Variants in SUPT4H1 observed in about 807,000 individuals in gnomAD.
The protein encoded by SUPT4H1 is transcription elongation factor SPT4.
SUPT4H1 carries 12 observed loss-of-function variants against 19.4 expected under a neutral mutation model. The ratio of observed to expected loss-of-function variants is 0.62; its 90% CI spans 0.40 to 1.00. SUPT4H1 has a LOEUF of 1.00. SUPT4H1 is among the 50% of genes least tolerant of loss of function. SUPT4H1 has a pLI of 0.00. For synonymous variants in SUPT4H1, 58 were observed against 56.3 expected (o/e 1.03, Z -0.14); for missense variants, 115 against 149.2 (o/e 0.77, Z 1.19).
At chr17:58,347,417 C>T (rs1352479285) in intron 3 of SUPT4H1, 112 bp downstream of exon 3, 14 of 1,432,118 alleles carry the variant, frequency 9.8e-6, no homozygotes, top group African/African-American at 1.4e-5. Flanking sequence ...TCCTACAACC[C>T]GATCTTTCCC....
intron 2 of SUPT4H1, among the ~76,000 whole-genome samples, chr17:58,351,065 T>G (rs1298118423): frequency 1.3e-5 from 2 of 152,018 alleles, no homozygotes; most frequent in African/African-American, 2.4e-5. Context: ...TACACGTGGA[T>G]AGTGGTCACT....
intron 1 of SUPT4H1, 26 bp downstream of exon 1, chr17:58,352,041 C>T: frequency 6.2e-7 from 1 of 1,613,892 alleles, no homozygotes; most frequent in Non-Finnish European, 8.5e-7. Flanking sequence ...CCCCATGGGC[C>T]CTACAACCAG....
intron 1 of SUPT4H1, 81 bp from the exon 2 acceptor site, chr17:58,351,589 C>CA (rs770333621): frequency 1.1e-5 from 10 of 926,176 alleles, no homozygotes; most frequent in Non-Finnish European, 1.6e-5. Flanking sequence ...CTCAATACTT[C>CA]GACCTGCTCA....
chr17:58,351,310 G>A, intron 2 of SUPT4H1, 92 bp downstream of exon 2: 1 of 791,884 alleles, frequency 1.3e-6, no homozygotes, highest in Admixed American at 2.6e-5. Context: ...GAATGGCTGG[G>A]CCCAACTAGG....
At position 58,346,174 on chromosome 17, in the gene SUPT4H1, A is replaced by G. The variant is rs1361369180; in HGVS notation, c.*72T>C. On this transcript the variant is annotated 3_prime_UTR_variant, in exon 5 of 5. Coordinates refer to ENST00000225504, the MANE Select transcript of SUPT4H1 (RefSeq NM_003168.3). ...GTAGGAAGTATTTGAAGTTCTGTTCATTTAGTTCCAGAACAAGAAATAAGC... is the reference window on the plus strand; with the variant it reads ...GTAGGAAGTATTTGAAGTTCTGTTCGTTTAGTTCCAGAACAAGAAATAAGC... The G allele has an allele frequency of 5.5e-6, 7 of 1,269,128 alleles. No homozygotes were observed. The East Asian group carries it at 1.6e-4, about 29-fold the overall frequency. 78.6% of individuals were successfully genotyped at this position (1,269,128 alleles called of 1,614,324 possible).
chr17:58,349,422 A>T (rs1972406047), intron 2 of SUPT4H1, among the ~76,000 whole-genome samples: 1 of 152,244 alleles, frequency 6.6e-6, no homozygotes, highest in Non-Finnish European at 1.5e-5. Flanking sequence ...AGCACATTTG[A>T]AGTAGGCTAA....
chr17:58,347,776 C>T (rs1567864805), intron 2 of SUPT4H1, among the ~76,000 whole-genome samples, 192 bp from the exon 3 acceptor site: 2 of 152,270 alleles, frequency 1.3e-5, no homozygotes, highest in African/African-American at 2.4e-5. Flanking sequence ...TGTCCTTGGC[C>T]GGCCAGCCAC....
intron 4 of SUPT4H1, among the ~76,000 whole-genome samples, chr17:58,346,891 A>G (rs1972311296): frequency 6.6e-6 from 1 of 152,106 alleles, no homozygotes; most frequent in Non-Finnish European, 1.5e-5. Context: ...AGGTGGGAGG[A>G]GCACATGAGC....
In SUPT4H1 at chr17:58,345,753, C is replaced by T. The variant is rs8263; in HGVS notation, c.*493G>A. Reference sequence around the variant, plus strand: ...ACTGAGCCTCTGGATCAGCACCCTCCGATAGGAAGCAAGGAAGCACACTAC... The same window carrying T: ...ACTGAGCCTCTGGATCAGCACCCTCTGATAGGAAGCAAGGAAGCACACTAC... On this transcript the variant is annotated 3_prime_UTR_variant, in exon 5 of 5. Transcript: ENST00000225504. 0.44 allele frequency: 67,839 copies of T among 152,964 alleles called. 15,439 individuals are homozygous for T. Among genetic ancestry groups the T allele is most frequent in the Middle Eastern group, 0.5 (147 of 296 alleles). 9.5% of individuals were successfully genotyped at this position (152,964 alleles called of 1,614,324 possible).
Position 58,347,360 on chromosome 17 carries a change from G to C in SUPT4H1, c.233-119C>G, listed in dbSNP as rs777309563. The C allele has an allele frequency of 1.0e-4, 137 of 1,360,756 alleles. No homozygotes were observed. The East Asian group carries it at 2.4e-3, about 24-fold the overall frequency. The allele number at this position is 1,360,756 out of a possible 1,614,324, so 84.3% of individuals were successfully genotyped here. On this transcript the variant is annotated intron_variant, in intron 3 of 4. Coordinates refer to ENST00000225504, the MANE Select transcript of SUPT4H1 (RefSeq NM_003168.3). ...AAGAGAAGAGCTATTCCCTCTTTTG[G>C]CTACAAGTGTTAAATGACAAGGCAC...
In SUPT4H1 at chr17:58,351,393, G is replaced by C; in HGVS notation, c.176+9C>G. On this transcript the variant is annotated intron_variant, in intron 2 of 4. Coordinates refer to ENST00000225504, the MANE Select transcript of SUPT4H1 (RefSeq NM_003168.3). ...GCAGAAGTGAATGATGGAAACTGAA[G>C]CGGCTTACCCATCAAAGGAAGAGCT... 6 of 1,593,892 alleles carry C rather than the reference G, an allele frequency of 3.8e-6. No individual in the cohort carries two copies. Among genetic ancestry groups the C allele is most frequent in the Non-Finnish European group, 5.2e-6 (6 of 1,163,074 alleles).
intron 4 of SUPT4H1, 21 bp from the exon 5 acceptor site, chr17:58,346,334 G>T (rs1338536433): frequency 6.2e-7 from 1 of 1,611,086 alleles, no homozygotes; most frequent in South Asian, 1.1e-5. Context: ...AAAAGAAACA[G>T]TTCTGTGAGG....
intron 2 of SUPT4H1, among the ~76,000 whole-genome samples, chr17:58,349,409 C>G (rs977586349): frequency 2.0e-5 from 3 of 152,228 alleles, no homozygotes; most frequent in Non-Finnish European, 4.4e-5. Flanking sequence ...CATAAGCGTT[C>G]TGAGCACATT....
chr17:58,352,185 A>T lies in SUPT4H1; in HGVS notation c.-50T>A. ...GGAGATAGACGACCACAGCCTGTGC[A>T]CCCGCAGGAAGTAAATAGCTCGTTA... On this transcript the variant is annotated 5_prime_UTR_variant, in exon 1 of 5. Transcript: ENST00000225504. The T allele has an allele frequency of 6.3e-7, 1 of 1,577,080 alleles. No homozygotes were observed.
intron 1 of SUPT4H1, 156 bp downstream of exon 1, chr17:58,351,911 C>T (rs898615359): frequency 1.4e-6 from 1 of 735,786 alleles, no homozygotes. Context: ...CGCGATCCTA[C>T]GAGGTAAACG....
At chr17:58,350,664 C>T (rs918219782) in intron 2 of SUPT4H1, among the ~76,000 whole-genome samples, 12 of 151,248 alleles carry the variant, frequency 7.9e-5, no homozygotes, top group African/African-American at 2.4e-4. Flanking sequence ...GGTGAAACCC[C>T]GTCTCTACTA....
At chr17:58,347,714 G>T in intron 2 of SUPT4H1, 130 bp from the exon 3 acceptor site, 1 of 844,506 alleles carries the variant, frequency 1.2e-6, no homozygotes, top group Non-Finnish European at 2.0e-6. Context: ...GCCTTCTGAT[G>T]TTGGGATGAG....
intron 2 of SUPT4H1, among the ~76,000 whole-genome samples, chr17:58,347,868 C>T (rs1368617589): frequency 1.3e-5 from 2 of 152,198 alleles, no homozygotes; most frequent in African/African-American, 4.8e-5. Context: ...AATGAGACGG[C>T]TTTAGGACAA....
At position 58,345,193 on chromosome 17, in the gene SUPT4H1, T is replaced by C. The variant is rs1240625041; in HGVS notation, c.*1053A>G. ...GCCCAAAAAGGAGAGCAAAAGTATT[T>C]CACCTTTATAATACTTATATAATTT... On this transcript the variant is annotated 3_prime_UTR_variant, in exon 5 of 5. Coordinates refer to ENST00000225504, the MANE Select transcript of SUPT4H1 (RefSeq NM_003168.3). 1 of 152,192 alleles carries C rather than the reference T, an allele frequency of 6.6e-6. No homozygotes were observed. The highest frequency in any genetic ancestry group is 2.4e-5 in the African/African-American group (1 of 41,434). The allele number at this position is 152,192 out of a possible 1,614,324, so 9.4% of individuals were successfully genotyped here.
Sources: gnomAD v4.1 joint callset for allele counts (sites outside exome capture counted in the v4.1 genomes callset) on GRCh38, gnomAD v4.1.1 for gene constraint, MANE v1.5 for transcripts, NCBI Gene and HGNC (gene_info 2026-07-23, HGNC 2026-07-21) for gene names.